The following ATM variants were observed in gnomAD, a reference collection of about 807,000 sequenced individuals.
The protein encoded by ATM is ATM serine/threonine kinase, also known as serine-protein kinase ATM.
A neutral mutation model predicts 387.0 loss-of-function variants in ATM; 308 were observed. The observed-to-expected ratio is 0.80, with a 90% CI of 0.73 to 0.87. The LOEUF (loss-of-function observed/expected upper bound fraction) is 0.87. ATM is among the 40% of genes least tolerant of loss of function. The pLI, the probability that ATM is intolerant of heterozygous loss-of-function variation, is 0.00. For missense variants in ATM, 3,312 were observed against 3,560.9 expected (o/e 0.93, Z 1.78); for synonymous variants, 1,156 against 1,187.3 (o/e 0.97, Z 0.54).
rs541845370 is a variant in ATM at position 108,288,076 on chromosome 11, C to CT, written c.4109+372dup. On this transcript the variant is annotated intron_variant, in intron 27 of 62. Coordinates refer to ENST00000675843, the MANE Select transcript of ATM (RefSeq NM_000051.4). Reference sequence around the variant, plus strand: ...GTCTTGCCTTTCTAGATCACCTTTTCTTTTTTTTTTTGAGATGGAGTCTCA... The same window carrying CT: ...GTCTTGCCTTTCTAGATCACCTTTTCTTTTTTTTTTTTGAGATGGAGTCTCA... 9.1e-3 allele frequency among the ~76,000 whole-genome samples: 1,322 copies of CT among 146,052 alleles called. 6 individuals carry two copies. The highest frequency in any genetic ancestry group is 0.011 in the Non-Finnish European group (699 of 65,952).
intron 61 of ATM, among the ~76,000 whole-genome samples, chr11:108,359,093 G>A (rs1411044187): frequency 1.3e-5 from 2 of 148,994 alleles, no homozygotes; most frequent in East Asian, 3.9e-4. Context: ...ATAAAAGGAT[G>A]GAGGAAGATC....
In ATM at chr11:108,250,875, A is replaced by G. The variant is rs939650649; in HGVS notation, c.1410A>G (p.Ser470=). The G allele has an allele frequency of 1.9e-6, 3 of 1,614,088 alleles. No individual in the cohort carries two copies. In the African/African-American group the frequency reaches 4.0e-5, roughly 22 times the overall value. Residue 470 remains serine (S), a synonymous_variant, in exon 10 of 63, where the codon TCA becomes TCG. Coordinates refer to ENST00000675843, the MANE Select transcript of ATM (RefSeq NM_000051.4). ...TTGCATTGTGTCAAGACAAGAGGTC[A>G]AACCTAGAAAGCTCACAAAAGTCAG... ...TEVALCQDKR[S]NLESSQKSDL...
At chr11:108,347,392 T>TA in intron 59 of ATM, 27 bp downstream of exon 59, 1 of 1,505,608 alleles carries the variant, frequency 6.6e-7, no homozygotes, top group Non-Finnish European at 9.2e-7. Context: ...ATGTATCTAT[T>TA]CTTTTTAGTA....
chr11:108,251,697 A>T, intron 10 of ATM, 140 bp from the exon 11 acceptor site: 1 of 829,564 alleles, frequency 1.2e-6, no homozygotes, highest in South Asian at 1.4e-5. Flanking sequence ...GAATCTTCCC[A>T]AATGTAATCA....
At chr11:108,343,473 A>G (rs932951412) in intron 57 of ATM, 102 bp downstream of exon 57, 5 of 1,396,530 alleles carry the variant, frequency 3.6e-6, no homozygotes, top group Middle Eastern at 2.3e-4. Context: ...CTTTAATTTC[A>G]TCAGGTAATT....
At chr11:108,343,639 A>C (rs915910259) in intron 57 of ATM, among the ~76,000 whole-genome samples, 4 of 152,164 alleles carry the variant, frequency 2.6e-5, no homozygotes, top group Admixed American at 2.6e-4. Context: ...GGGATAAACT[A>C]ATTCTTAGCA....
At chr11:108,270,110 C>G (rs924451672) in intron 18 of ATM, among the ~76,000 whole-genome samples, 1 of 151,954 alleles carries the variant, frequency 6.6e-6, no homozygotes, top group African/African-American at 2.4e-5. Flanking sequence ...TCAGTATAGC[C>G]AGAAAATTAT....
chr11:108,250,327 A>AT (rs1299927843), intron 9 of ATM, among the ~76,000 whole-genome samples: 2 of 151,814 alleles, frequency 1.3e-5, no homozygotes, highest in African/African-American at 4.8e-5. Flanking sequence ...TAATTTTTGT[A>AT]TTTTTAGTAG....
chr11:108,310,190 T>G lies in ATM; in HGVS notation c.5793T>G (p.Ala1931=), dbSNP rs3092910. The G allele has an allele frequency of 6.2e-7, 1 of 1,613,596 alleles. No homozygotes were observed. The highest frequency in any genetic ancestry group is 1.7e-5 in the Admixed American group (1 of 60,006). The change falls in exon 39 of 63, where the codon GCT becomes GCG. Residue 1931 remains alanine (A), a synonymous_variant. Coordinates refer to ENST00000675843, the MANE Select transcript of ATM (RefSeq NM_000051.4). ...CTTCAGGAACAATTTTTAATGATGC[T>G]TTCTGGCTGGATTTAAATTATCTAG... The part of the protein sequence containing the change: ...RPSSGTIFND[A]FWLDLNYLEV...
Position 108,247,035 on chromosome 11 carries a change from C to A in ATM, c.973C>A (p.His325Asn). The stretch of plus-strand genomic sequence containing the variant: ...TGATCTGCTAGTGAATGAGATAAGT[C>A]ATATAGGAAGTAGAGGAAAGTATTC... ...LYDLLVNEIS[H>N]IGSRGKYSSG... The change falls in exon 8 of 63, where the codon CAT becomes AAT. Residue 325 changes from histidine (H) to asparagine (N), a missense_variant. This residue lies in a region of ATM where 1,791 missense variants were observed against 1,804.5 expected (regional missense o/e 0.99). Coordinates refer to ENST00000675843, the MANE Select transcript of ATM (RefSeq NM_000051.4). 3.1e-6 allele frequency: 5 copies of A among 1,613,258 alleles called. No homozygotes were observed. In the South Asian group the frequency reaches 5.5e-5, roughly 18 times the overall value.
chr11:108,317,246 T>G, intron 42 of ATM, 127 bp from the exon 43 acceptor site: 1 of 953,966 alleles, frequency 1.0e-6, no homozygotes, highest in Non-Finnish European at 1.6e-6. Context: ...GCTGATATTT[T>G]GGGATTTTAA....
intron 1 of ATM, chr11:108,223,602 C>A (rs1288361229): frequency 2.0e-5 from 3 of 152,188 alleles, no homozygotes; most frequent in African/African-American, 4.8e-5. Context: ...AGTCGTGTGG[C>A]CGCTCTCTAC....
At chr11:108,339,510 G>C (rs778905838) in intron 56 of ATM, among the ~76,000 whole-genome samples, 4 of 152,056 alleles carry the variant, frequency 2.6e-5, no homozygotes, top group Non-Finnish European at 5.9e-5. Context: ...TGAGAAAATA[G>C]TCATCAGTCC....
At position 108,289,700 on chromosome 11, in the gene ATM, T is replaced by G. The variant is rs761225071; in HGVS notation, c.4335T>G (p.Phe1445Leu). 8 of 1,613,620 alleles carry G rather than the reference T, an allele frequency of 5.0e-6. No homozygotes were observed. Among genetic ancestry groups the G allele is most frequent in the Admixed American group, 1.7e-5 (1 of 60,014 alleles). The change falls in exon 29 of 63, where the codon TTT becomes TTG. Residue 1445 changes from phenylalanine to leucine, a missense_variant. Phe to Leu is a conservative substitution (Grantham distance 22). Coordinates refer to ENST00000675843, the MANE Select transcript of ATM (RefSeq NM_000051.4). ...GAATTCTTAAAATATATCACCTGTT[T>G]GTTAGTTTATTACTGAAAGATATAA... Reference protein sequence around the residue: ...KHRILKIYHLFVSLLLKDIKS... With the variant: ...KHRILKIYHLLVSLLLKDIKS...
intron 5 of ATM, chr11:108,236,284 C>A: frequency 5.1e-6 from 1 of 196,244 alleles, no homozygotes; most frequent in Non-Finnish European, 1.1e-5. Flanking sequence ...TGGCTCACGC[C>A]TGTAATCCTA....
intron 7 of ATM, among the ~76,000 whole-genome samples, chr11:108,246,263 A>T (rs2079844375): frequency 6.6e-6 from 1 of 152,102 alleles, no homozygotes; most frequent in South Asian, 2.1e-4. Context: ...TCTTTTACTC[A>T]CCTCTTATCT....
chr11:108,332,937 CTG>C, intron 53 of ATM, 37 bp downstream of exon 53: 3 of 1,594,294 alleles, frequency 1.9e-6, no homozygotes, highest in African/African-American at 2.7e-5. Flanking sequence ...TACTTTCTTG[CTG>C]TGTTACTCTC....
chr11:108,297,835 C>T (rs949978911), intron 33 of ATM, among the ~76,000 whole-genome samples: 1 of 152,062 alleles, frequency 6.6e-6, no homozygotes, highest in Admixed American at 6.6e-5. Context: ...ACTTTTCTTC[C>T]TTAAATATTC....
At position 108,365,351 on chromosome 11, in the gene ATM, T is replaced by C. The variant is rs876659968; in HGVS notation, c.9014T>C (p.Val3005Ala). 6.2e-7 allele frequency: 1 copy of C among 1,614,158 alleles called. No homozygotes were observed. The highest frequency in any genetic ancestry group is 8.5e-7 in the Non-Finnish European group (1 of 1,180,020). ...LSDIDQSFNK[V>A]AERVLMRLQE... is the part of the protein sequence containing the mutation. ...GATATTGACCAGAGTTTCAACAAAG[T>C]AGCTGAACGTGTCTTAATGAGACTA... Residue 3005 changes from valine to alanine, a missense_variant, in exon 63 of 63, where the codon GTA (valine) becomes GCA (alanine). Physicochemically the swap from Val to Ala is moderately conservative, Grantham distance 64. Transcript: ENST00000675843.
Sources: allele counts gnomAD v4.1 joint callset (sites outside exome capture counted in the v4.1 genomes callset), GRCh38; gene constraint gnomAD v4.1.1; regional missense constraint gnomAD v4.1.1; transcripts MANE v1.5; gene names NCBI Gene and HGNC (gene_info 2026-07-23, HGNC 2026-07-21).